The following ALG1L2 variants were observed in gnomAD, a reference collection of about 807,000 sequenced individuals.
The protein encoded by ALG1L2 is ALG1 chitobiosyldiphosphodolichol beta-mannosyltransferase like 2.
Under a neutral mutation model 29.0 loss-of-function variants are expected in ALG1L2, and 32 were observed. The ratio of observed to expected loss-of-function variants is 1.10; its 90% CI spans 0.83 to 1.48. ALG1L2 has a LOEUF of 1.48. Ranked by LOEUF, ALG1L2 falls within the 40% of genes most tolerant of loss-of-function variation. The pLI is 0.00. For missense variants in ALG1L2, 318 were observed against 274.1 expected (o/e 1.16, Z -1.13); for synonymous variants, 110 against 109.5 (o/e 1.00, Z -0.03).
chr3:130,094,944 G>A (rs1174502827), intron 5 of ALG1L2, among the ~76,000 whole-genome samples: 1 of 152,182 alleles, frequency 6.6e-6, no homozygotes, highest in Non-Finnish European at 1.5e-5. Flanking sequence ...GTGGGGAGTC[G>A]TGGCTTGTTC....
intron 1 of ALG1L2, among the ~76,000 whole-genome samples, chr3:130,086,027 C>G (rs1342847739): frequency 1.3e-5 from 2 of 151,646 alleles, no homozygotes; most frequent in Admixed American, 6.6e-5. Flanking sequence ...GCTCTGCCTG[C>G]CTCACTTTTG....
intron 5 of ALG1L2, among the ~76,000 whole-genome samples, chr3:130,094,883 A>G (rs914965525): frequency 1.1e-4 from 16 of 152,322 alleles, no homozygotes; most frequent in Non-Finnish European, 2.1e-4. Context: ...TCGCCTCACC[A>G]GTGAGATGGT....
chr3:130,094,600 G>T (rs1935091664), intron 5 of ALG1L2, 87 bp downstream of exon 5: 2 of 1,426,662 alleles, frequency 1.4e-6, no homozygotes, highest in African/African-American at 1.4e-5. Context: ...TTCTGAAAAG[G>T]TGGCTCTGGA....
chr3:130,092,048 G>T, intron 2 of ALG1L2, 53 bp from the exon 3 acceptor site: 1 of 1,602,498 alleles, frequency 6.2e-7, no homozygotes, highest in Non-Finnish European at 8.5e-7. Flanking sequence ...TGCCCGTTCT[G>T]GGTCCTGGGC....
At chr3:130,082,549 G>A (rs1208419052) in intron 1 of ALG1L2, among the ~76,000 whole-genome samples, 1 of 131,492 alleles carries the variant, frequency 7.6e-6, no homozygotes, top group Non-Finnish European at 1.8e-5. Flanking sequence ...TATTGGCCAG[G>A]CTGGTCTTGA....
rs368147373 is a variant in ALG1L2, at chr3:130,087,727, A to G, written c.21-3534A>G. Among the ~76,000 whole-genome samples, 310 of 105,162 alleles carry G rather than the reference A, an allele frequency of 2.9e-3. 3 individuals carry two copies. Among genetic ancestry groups the G allele is most frequent in the Middle Eastern group, 0.013 (2 of 156 alleles). The allele number at this position is 105,162 out of a possible 152,430, so 69.0% of individuals were successfully genotyped here. A position where few individuals can be genotyped will look rare whatever the true frequency, so the allele number is the denominator to read the frequency against. ...TTTGTACTATTTTTGCAACACTTCC[A>G]TGTCTGGAAAAATAATAATAAATAT... On this transcript the variant is annotated intron_variant, in intron 1 of 7. Transcript: ENST00000425059.
chr3:130,094,076 G>A (rs894339328), intron 4 of ALG1L2: 21 of 372,156 alleles, frequency 5.6e-5, no homozygotes, highest in Admixed American at 2.3e-4. Context: ...GAGTCCTCTT[G>A]TCCCCTGTGC....
chr3:130,090,226 G>A (rs1358813482), intron 1 of ALG1L2, among the ~76,000 whole-genome samples: 2 of 152,280 alleles, frequency 1.3e-5, no homozygotes, highest in African/African-American at 2.4e-5. Flanking sequence ...CTTTGTGGTG[G>A]GTGCCTGAAA....
intron 1 of ALG1L2, among the ~76,000 whole-genome samples, chr3:130,086,318 G>A (rs368145933): frequency 6.8e-6 from 1 of 147,810 alleles, no homozygotes; most frequent in Non-Finnish European, 1.5e-5. Context: ...GTCAAGCCAG[G>A]CATCACCTTC....
At chr3:130,097,797 T>G (rs1391004014) in intron 7 of ALG1L2, among the ~76,000 whole-genome samples, 1 of 152,190 alleles carries the variant, frequency 6.6e-6, no homozygotes, top group African/African-American at 2.4e-5. Flanking sequence ...GGGTGTGGCT[T>G]TGTTCCAATA....
intron 1 of ALG1L2, among the ~76,000 whole-genome samples, chr3:130,088,214 C>T (rs1413896547): frequency 1.3e-5 from 2 of 152,274 alleles, no homozygotes; most frequent in African/African-American, 4.8e-5. Flanking sequence ...CCAGGAAGTG[C>T]CTCAGTGGCC....
chr3:130,097,042 T>C (rs1226061945), intron 6 of ALG1L2, 133 bp from the exon 7 acceptor site: 11 of 1,463,772 alleles, frequency 7.5e-6, no homozygotes, highest in Middle Eastern at 2.5e-4. Context: ...AAGAACCACC[T>C]CCCAGAAGCC....
intron 6 of ALG1L2, among the ~76,000 whole-genome samples, 165 bp from the exon 7 acceptor site, chr3:130,097,010 A>T (rs982357484): frequency 2.0e-5 from 3 of 152,058 alleles, no homozygotes; most frequent in African/African-American, 7.2e-5. Context: ...CCAGGCTTTT[A>T]TACCCTTCAG....
intron 1 of ALG1L2, among the ~76,000 whole-genome samples, chr3:130,086,883 C>T (rs1423492367): frequency 2.0e-5 from 3 of 151,588 alleles, no homozygotes; most frequent in African/African-American, 7.2e-5. Context: ...CAAACCCCTT[C>T]TAGATAGAAT....
rs1157699369 is a variant in ALG1L2, at chr3:130,092,083, T to G, written c.132-18T>G. 1 of 1,612,654 alleles carries G rather than the reference T, an allele frequency of 6.2e-7. No homozygotes were observed. Among genetic ancestry groups the G allele is most frequent in the Non-Finnish European group, 8.5e-7 (1 of 1,179,598 alleles). On this transcript the variant is annotated intron_variant, in intron 2 of 7. Transcript: ENST00000425059. ...CCTGCTCTGTGGCCTCTCACAGGGT[T>G]TTTTTCTGCTCCTTCAGCTCAGAAC...
At chr3:130,090,280 C>T (rs779384654) in intron 1 of ALG1L2, among the ~76,000 whole-genome samples, 16 of 152,260 alleles carry the variant, frequency 1.1e-4, no homozygotes, top group South Asian at 4.1e-4. Flanking sequence ...CACTTGAACC[C>T]GGGAGGCAAG....
Position 130,082,024 on chromosome 3 carries a change from C to G in ALG1L2, c.8C>G (p.Ala3Gly). Residue 3 changes from alanine (A) to glycine (G), a missense_variant, in exon 1 of 8, where the codon GCT (alanine) becomes GGT (glycine). Transcript: ENST00000425059. ...ATTTTAACCTGAAGGGACATGGGAGCTACTGCAGGCTGGTAAGCAGGGGGG... is the reference window on the plus strand; with the variant it reads ...ATTTTAACCTGAAGGGACATGGGAGGTACTGCAGGCTGGTAAGCAGGGGGG... MG[A>G]TAGWAVTVYD... 1.3e-6 allele frequency: 2 copies of G among 1,508,910 alleles called. No individual in the cohort carries two copies. Among genetic ancestry groups the G allele is most frequent in the Non-Finnish European group, 1.8e-6 (2 of 1,111,144 alleles). The allele number at this position is 1,508,910 out of a possible 1,614,324, so 93.5% of individuals were successfully genotyped here. A position where few individuals can be genotyped will look rare whatever the true frequency, so the allele number is the denominator to read the frequency against.
rs545361538 is a variant in ALG1L2, at chr3:130,085,419, T to A, written c.20+3383T>A. 1.6e-3 allele frequency among the ~76,000 whole-genome samples: 170 copies of A among 107,856 alleles called. 9 individuals carry two copies. The highest frequency in any genetic ancestry group is 4.8e-3 in the African/African-American group (156 of 32,602). The allele number at this position is 107,856 out of a possible 152,430, so 70.8% of individuals were successfully genotyped here. A position where few individuals can be genotyped will look rare whatever the true frequency, so the allele number is the denominator to read the frequency against. ...CGTATTTTATTTATAATCTTTTTAA[T>A]AGAGATAGGAGTCTCCCTATGTCTG... On this transcript the variant is annotated intron_variant, in intron 1 of 7. Coordinates refer to ENST00000425059, the MANE Select transcript of ALG1L2 (RefSeq NM_001136152.1).
At chr3:130,085,102 G>T (rs202175945) in intron 1 of ALG1L2, among the ~76,000 whole-genome samples, 2,339 of 76,164 alleles carry the variant, frequency 0.031, 1 homozygote, top group Middle Eastern at 0.048. Flanking sequence ...GGGATTACAG[G>T]TGCCCACCAC....
Sources: gnomAD v4.1 joint callset for allele counts (sites outside exome capture counted in the v4.1 genomes callset) on GRCh38, gnomAD v4.1.1 for gene constraint, MANE v1.5 for transcripts, NCBI Gene and HGNC (gene_info 2026-07-23, HGNC 2026-07-21) for gene names.